Variants in DPP10 observed in about 807,000 individuals in gnomAD.
The protein encoded by DPP10 is dipeptidyl peptidase like 10.
DPP10 carries 33 observed loss-of-function variants against 120.9 expected under a neutral mutation model. The observed-to-expected ratio is 0.27, with a 90% CI of 0.21 to 0.37. The LOEUF is 0.37. Ranked by LOEUF, DPP10 falls within the 10% of genes least tolerant of loss-of-function variation. The pLI, the probability that DPP10 is intolerant of heterozygous loss-of-function variation, is 1.00. For missense variants in DPP10, 816 were observed against 942.8 expected, an observed-to-expected ratio of 0.87 and a Z score of 1.76; for synonymous variants, 337 against 326.1, an observed-to-expected ratio of 1.03 and a Z score of -0.36.
intron 1 of DPP10, among the ~76,000 whole-genome samples, chr2:115,056,907 T>A (rs146708549): frequency 1.6e-4 from 25 of 152,330 alleles, no homozygotes; most frequent in Non-Finnish European, 2.2e-4. Flanking sequence ...AAAAATAGAT[T>A]AGTTTTGTTT....
intron 5 of DPP10, among the ~76,000 whole-genome samples, chr2:115,636,212 T>C (rs1257908388): frequency 6.6e-6 from 1 of 151,566 alleles, no homozygotes; most frequent in African/African-American, 2.4e-5. Context: ...TACCCTGGGC[T>C]TCTCAAAAAG....
intron 3 of DPP10, among the ~76,000 whole-genome samples, chr2:115,362,199 T>C (rs2064822772): frequency 6.6e-6 from 1 of 152,164 alleles, no homozygotes. Context: ...CATTCCAAAA[T>C]GTCTTTAGCA....
chr2:115,809,495 T>C (rs1686385269), intron 19 of DPP10, among the ~76,000 whole-genome samples: 1 of 152,202 alleles, frequency 6.6e-6, no homozygotes, highest in Non-Finnish European at 1.5e-5. Context: ...TAAGGTAATA[T>C]TGTTCTTTGC....
intron 1 of DPP10, among the ~76,000 whole-genome samples, chr2:115,235,861 G>A (rs1228924281): frequency 1.3e-5 from 2 of 152,096 alleles, no homozygotes; most frequent in East Asian, 3.9e-4. Context: ...GCGCAGCCAA[G>A]CTGACGTTTC....
intron 1 of DPP10, among the ~76,000 whole-genome samples, chr2:114,546,216 T>C (rs1478984791): frequency 1.3e-5 from 2 of 152,112 alleles, no homozygotes; most frequent in African/African-American, 2.4e-5. Flanking sequence ...GCAGGAAGCA[T>C]GATGCTGGCA....
chr2:114,497,331 A>G lies in DPP10; in HGVS notation c.60+54493A>G, dbSNP rs1387559938. ...TATACATGTACATGTATACGTGTAT[A>G]CATGTACATATACATACACATGTAC... On this transcript the variant is annotated intron_variant, in intron 1 of 25. Coordinates refer to ENST00000410059, the MANE Select transcript of DPP10 (RefSeq NM_020868.6). 1.3e-4 allele frequency among the ~76,000 whole-genome samples: 3 copies of G among 23,858 alleles called. 1 individual carries two copies. The highest frequency in any genetic ancestry group is 3.7e-4 in the Non-Finnish European group (3 of 8,166). The allele number at this position is 23,858 out of a possible 152,430, so 15.7% of individuals were successfully genotyped here.
chr2:114,962,830 A>T (rs1312859576), intron 1 of DPP10, among the ~76,000 whole-genome samples: 1 of 152,180 alleles, frequency 6.6e-6, no homozygotes, highest in Non-Finnish European at 1.5e-5. Flanking sequence ...CTCCATTATT[A>T]TTCCAAAGCC....
At chr2:114,673,713 C>T (rs2105654906) in intron 1 of DPP10, among the ~76,000 whole-genome samples, 1 of 152,214 alleles carries the variant, frequency 6.6e-6, no homozygotes, top group South Asian at 2.1e-4. Context: ...GTCTCGGCCT[C>T]CCAAAGTGCT....
intron 4 of DPP10, among the ~76,000 whole-genome samples, chr2:115,522,662 ATT>A (rs765963466): frequency 6.6e-6 from 1 of 152,152 alleles, no homozygotes; most frequent in Non-Finnish European, 1.5e-5. Flanking sequence ...GGATTCATGC[ATT>A]TTTATGCCCT....
intron 12 of DPP10, among the ~76,000 whole-genome samples, chr2:115,765,832 T>C (rs1028758074): frequency 6.6e-6 from 1 of 152,148 alleles, no homozygotes; most frequent in African/African-American, 2.4e-5. Flanking sequence ...TGCTCAGTTA[T>C]ACAATTTTTC....
At chr2:115,512,796 G>A (rs951469819) in intron 4 of DPP10, among the ~76,000 whole-genome samples, 9 of 151,898 alleles carry the variant, frequency 5.9e-5, no homozygotes, top group Non-Finnish European at 1.5e-5. Context: ...ATTGAAACAT[G>A]TTTTGTGGCC....
chr2:115,709,229 T>C (rs565192106), intron 7 of DPP10, among the ~76,000 whole-genome samples: 1 of 152,184 alleles, frequency 6.6e-6, no homozygotes, highest in African/African-American at 2.4e-5. Context: ...GAATCTCTGA[T>C]AGGAAATCCG....
chr2:114,978,438 C>A (rs1000875955), intron 1 of DPP10, among the ~76,000 whole-genome samples: 2 of 152,142 alleles, frequency 1.3e-5, no homozygotes, highest in African/African-American at 4.8e-5. Flanking sequence ...AGATTAAAAT[C>A]ACACTGTTGA....
At chr2:114,911,425 A>G (rs1243751497) in intron 1 of DPP10, among the ~76,000 whole-genome samples, 1 of 152,240 alleles carries the variant, frequency 6.6e-6, no homozygotes, top group Non-Finnish European at 1.5e-5. Context: ...ATTTTAAAAG[A>G]CAGAAGTTCT....
chr2:115,519,552 A>C (rs1323399145), intron 4 of DPP10, among the ~76,000 whole-genome samples: 1 of 152,090 alleles, frequency 6.6e-6, no homozygotes, highest in African/African-American at 2.4e-5. Context: ...AATACACAGT[A>C]AAAAAAATTG....
rs1294842804 is a variant in DPP10, at chr2:115,211,276, G to A, written c.61-97963G>A. Among the ~76,000 whole-genome samples, 4 of 146,370 alleles carry A rather than the reference G, an allele frequency of 2.7e-5. No individual in the cohort carries two copies. In the Admixed American group the frequency reaches 2.7e-4, roughly 10 times the overall value. On this transcript the variant is annotated intron_variant, in intron 1 of 25. Transcript: ENST00000410059. Reference sequence around the variant, plus strand: ...TGGTCACATATTTTAGACTTTGTGTGGCCCAGATGATAAGTTATCATTTCT... The same window carrying A: ...TGGTCACATATTTTAGACTTTGTGTAGCCCAGATGATAAGTTATCATTTCT...
At chr2:114,448,532 A>T (rs928742158) in intron 1 of DPP10, among the ~76,000 whole-genome samples, 4 of 152,202 alleles carry the variant, frequency 2.6e-5, no homozygotes, top group African/African-American at 9.6e-5. Flanking sequence ...GAACTCATTA[A>T]AAATGCAAAT....
At chr2:114,795,897 T>G (rs975030739) in intron 1 of DPP10, among the ~76,000 whole-genome samples, 1 of 152,160 alleles carries the variant, frequency 6.6e-6, no homozygotes, top group Non-Finnish European at 1.5e-5. Context: ...CATGGAACCA[T>G]TAACAGTAGA....
At chr2:115,674,382 GATGT>G (rs1452281113) in intron 5 of DPP10, among the ~76,000 whole-genome samples, 6 of 151,004 alleles carry the variant, frequency 4.0e-5, no homozygotes, top group Admixed American at 2.6e-4. Context: ...CATACTTCAT[GATGT>G]TTTTTTTTTT....
Sources: gnomAD v4.1 joint callset for allele counts (sites outside exome capture counted in the v4.1 genomes callset) on GRCh38, gnomAD v4.1.1 for gene constraint, MANE v1.5 for transcripts, NCBI Gene and HGNC (gene_info 2026-07-23, HGNC 2026-07-21) for gene names.